MRPL1: variants seen among roughly 807,000 people sequenced by gnomAD.
MRPL1 encodes the protein large ribosomal subunit protein uL1m.
MRPL1 carries 28 observed loss-of-function variants against 38.0 expected under a neutral mutation model. The ratio of observed to expected loss-of-function variants is 0.74; its 90% CI spans 0.55 to 1.01. MRPL1 has a LOEUF of 1.01. Among genes scored for constraint, MRPL1 ranks in the 50% least tolerant of loss-of-function variants. The pLI, the probability that MRPL1 is intolerant of heterozygous loss-of-function variation, is 0.00. For missense variants in MRPL1, 358 were observed against 389.8 expected, an observed-to-expected ratio of 0.92 and a Z score of 0.69; for synonymous variants, 123 against 126.7, an observed-to-expected ratio of 0.97 and a Z score of 0.20.
intron 6 of MRPL1, among the ~76,000 whole-genome samples, chr4:77,905,055 CAA>C (rs1217318378): frequency 5.3e-5 from 8 of 152,090 alleles, no homozygotes; most frequent in African/African-American, 1.9e-4. Flanking sequence ...AATGAAAAGG[CAA>C]AGTCATAGAT....
chr4:77,882,176 A>AG (rs1343965159), intron 2 of MRPL1, among the ~76,000 whole-genome samples: 2 of 152,238 alleles, frequency 1.3e-5, no homozygotes, highest in African/African-American at 2.4e-5. Flanking sequence ...GGTCCTTTAC[A>AG]GAAAAAGTTT....
rs1302205063 is a variant in MRPL1 at position 77,890,719 on chromosome 4, G to A, written c.559-3420G>A. Among the ~76,000 whole-genome samples, 4 of 152,304 alleles carry A rather than the reference G, an allele frequency of 2.6e-5. No homozygotes were observed. In the East Asian group the frequency reaches 7.7e-4, roughly 29 times the overall value. On this transcript the variant is annotated intron_variant, in intron 5 of 8. Coordinates refer to ENST00000315567, the MANE Select transcript of MRPL1 (RefSeq NM_020236.4). Reference sequence around the variant, plus strand: ...GTCTCTGTTTGCAGATGACACGATTGTATATTTAGAAAACCCCATCGTCTC... The same window carrying A: ...GTCTCTGTTTGCAGATGACACGATTATATATTTAGAAAACCCCATCGTCTC...
chr4:77,873,054 T>C (rs1043735226), intron 2 of MRPL1, among the ~76,000 whole-genome samples: 1 of 152,054 alleles, frequency 6.6e-6, no homozygotes, highest in East Asian at 1.9e-4. Flanking sequence ...AGATAAGATA[T>C]ATGTAAAGGA....
intron 7 of MRPL1, among the ~76,000 whole-genome samples, chr4:77,913,558 A>G (rs1165725901): frequency 2.6e-5 from 4 of 152,206 alleles, no homozygotes; most frequent in South Asian, 4.1e-4. Flanking sequence ...ATGTTAAATG[A>G]TGCAACCTCT....
chr4:77,934,972 C>T lies in MRPL1; in HGVS notation c.778-14825C>T, dbSNP rs1358080943. Among the ~76,000 whole-genome samples, 4 of 152,218 alleles carry T rather than the reference C, an allele frequency of 2.6e-5. No homozygotes were observed. The East Asian group carries it at 7.7e-4, about 29-fold the overall frequency. ...TTCCACTTGTATAAGGTACCTATAA[C>T]AGTGAAATTCGTAGAGATAGAAAGT... On this transcript the variant is annotated intron_variant, in intron 7 of 8. Transcript: ENST00000315567.
intron 7 of MRPL1, among the ~76,000 whole-genome samples, chr4:77,946,329 T>C (rs1038887940): frequency 1.3e-5 from 2 of 151,344 alleles, no homozygotes; most frequent in African/African-American, 4.9e-5. Context: ...ATCGCTGTTA[T>C]TCTGTTCTTT....
At chr4:77,910,096 T>C (rs1273670504) in intron 7 of MRPL1, among the ~76,000 whole-genome samples, 2 of 152,156 alleles carry the variant, frequency 1.3e-5, no homozygotes, top group Non-Finnish European at 2.9e-5. Context: ...AAACAATTTT[T>C]GTATATTCTG....
At chr4:77,935,931 CAA>C (rs33923654) in intron 7 of MRPL1, among the ~76,000 whole-genome samples, 6 of 121,672 alleles carry the variant, frequency 4.9e-5, no homozygotes, top group Admixed American at 8.1e-5. Context: ...GACTATGTCT[CAA>C]AAAAAAAAAA....
intron 1 of MRPL1, chr4:77,863,159 A>C (rs1560456417): frequency 1.9e-6 from 1 of 515,756 alleles, no homozygotes; most frequent in Admixed American, 3.8e-5. Flanking sequence ...GTCGTCTCTG[A>C]TACTGGGGTG....
At chr4:77,934,760 G>T (rs1236103550) in intron 7 of MRPL1, among the ~76,000 whole-genome samples, 4 of 152,176 alleles carry the variant, frequency 2.6e-5, no homozygotes, top group African/African-American at 7.2e-5. Flanking sequence ...ATTCACAGGA[G>T]CCAGAAGGTA....
intron 7 of MRPL1, among the ~76,000 whole-genome samples, chr4:77,924,191 T>A (rs535483192): frequency 8.8e-5 from 13 of 148,150 alleles, no homozygotes; most frequent in African/African-American, 3.3e-4. Flanking sequence ...GTTTGATGAT[T>A]GTTAGATTTT....
Position 77,894,162 on chromosome 4 carries a change from A to G in MRPL1, c.582A>G (p.Ala194=), listed in dbSNP as rs1373248820. The G allele has an allele frequency of 2.4e-5, 39 of 1,602,052 alleles. No individual in the cohort carries two copies. Among genetic ancestry groups the G allele is most frequent in the Non-Finnish European group, 2.9e-5 (34 of 1,174,164 alleles). Residue 194 remains alanine (A), a synonymous_variant, in exon 6 of 9, where the codon GCA becomes GCG. Coordinates refer to ENST00000315567, the MANE Select transcript of MRPL1 (RefSeq NM_020236.4). ...IQKIWDDEIV[A]DFYVAVPEIM... ...AGATTTGGGATGATGAAATTGTTGC[A>G]GACTTTTACGTAGCTGTTCCAGAAA... is the stretch of plus-strand genomic sequence containing the variant.
intron 7 of MRPL1, among the ~76,000 whole-genome samples, chr4:77,949,079 T>C (rs1486600911): frequency 6.6e-6 from 1 of 152,204 alleles, no homozygotes; most frequent in Non-Finnish European, 1.5e-5. Flanking sequence ...CCGTGAACTT[T>C]TAAAAATTGA....
chr4:77,881,680 G>A (rs1414524459), intron 2 of MRPL1, among the ~76,000 whole-genome samples: 3 of 152,034 alleles, frequency 2.0e-5, no homozygotes, highest in Non-Finnish European at 4.4e-5. Flanking sequence ...GCCTCAAACA[G>A]TCCTCCTGCC....
intron 6 of MRPL1, chr4:77,908,242 A>ATTT: frequency 4.2e-5 from 6 of 141,840 alleles, no homozygotes; most frequent in South Asian, 2.5e-4. Flanking sequence ...TACTGTTATT[A>ATTT]TTTTTTTTTT....
At chr4:77,937,467 A>G (rs1474674141) in intron 7 of MRPL1, among the ~76,000 whole-genome samples, 1 of 152,190 alleles carries the variant, frequency 6.6e-6, no homozygotes, top group East Asian at 1.9e-4. Flanking sequence ...TAGATGCCTG[A>G]AGAGGAGATT....
chr4:77,884,187 G>A (rs1735620663), intron 3 of MRPL1, among the ~76,000 whole-genome samples: 1 of 149,056 alleles, frequency 6.7e-6, no homozygotes, highest in South Asian at 2.1e-4. Flanking sequence ...CTTCAGATGT[G>A]TTCCTTGGGG....
chr4:77,948,375 G>A (rs765227114), intron 7 of MRPL1, among the ~76,000 whole-genome samples: 3 of 152,094 alleles, frequency 2.0e-5, no homozygotes, highest in African/African-American at 7.2e-5. Context: ...TATGTAAGGT[G>A]CCTTCCCTGC....
rs562156820 is a variant in MRPL1 at position 77,889,073 on chromosome 4, G to A, written c.558+1782G>A. 1.6e-4 allele frequency among the ~76,000 whole-genome samples: 24 copies of A among 152,204 alleles called. No homozygotes were observed. The South Asian group carries it at 2.5e-3, about 16-fold the overall frequency. ...CACTGTCAACATTAGACACATCAAC[G>A]AGACAGAAAGTTAACAAGGATATCC... On this transcript the variant is annotated intron_variant, in intron 5 of 8. Transcript: ENST00000315567.
Sources: gnomAD v4.1 joint callset for allele counts (sites outside exome capture counted in the v4.1 genomes callset) on GRCh38, gnomAD v4.1.1 for gene constraint, MANE v1.5 for transcripts, NCBI Gene and HGNC (gene_info 2026-07-23, HGNC 2026-07-21) for gene names.